The following GRIN2A variants were observed in gnomAD, a reference collection of about 807,000 sequenced individuals.
GRIN2A encodes the protein glutamate ionotropic receptor NMDA type subunit 2A.
A neutral mutation model predicts 113.4 loss-of-function variants in GRIN2A; 22 were observed. The observed-to-expected ratio is 0.19, with a 90% CI of 0.14 to 0.28. The LOEUF (loss-of-function observed/expected upper bound fraction) is 0.28. Ranked by LOEUF, GRIN2A falls within the 10% of genes least tolerant of loss-of-function variation. The pLI, the probability that GRIN2A is intolerant of heterozygous loss-of-function variation, is 1.00. For missense variants in GRIN2A, 1,502 were observed against 1,887.0 expected, an observed-to-expected ratio of 0.80 and a Z score of 3.78; for synonymous variants, 827 against 738.4, an observed-to-expected ratio of 1.12 and a Z score of -1.94.
intron 4 of GRIN2A, among the ~76,000 whole-genome samples, chr16:9,870,504 C>T (rs374327551): frequency 2.7e-4 from 41 of 152,170 alleles, no homozygotes; most frequent in African/African-American, 8.9e-4. Context: ...TCTTTATGGG[C>T]TAGAAGTTGC....
intron 4 of GRIN2A, among the ~76,000 whole-genome samples, chr16:9,865,498 C>T (rs969031944): frequency 2.3e-4 from 35 of 152,162 alleles, no homozygotes; most frequent in Admixed American, 2.0e-3. Flanking sequence ...TTGGAAGACC[C>T]AAGTCCAAGT....
intron 2 of GRIN2A, among the ~76,000 whole-genome samples, chr16:10,022,462 G>C (rs2046743570): frequency 6.6e-6 from 1 of 152,178 alleles, no homozygotes; most frequent in Non-Finnish European, 1.5e-5. Context: ...TTCACCTGTG[G>C]AGGTTTAGCC....
chr16:9,852,257 T>A (rs1029204262), intron 4 of GRIN2A, among the ~76,000 whole-genome samples: 1 of 152,356 alleles, frequency 6.6e-6, no homozygotes, highest in East Asian at 1.9e-4. Flanking sequence ...CAAAGGTGCT[T>A]TCTCGCTATG....
At chr16:9,882,664 G>A (rs984312993) in intron 4 of GRIN2A, among the ~76,000 whole-genome samples, 1 of 152,144 alleles carries the variant, frequency 6.6e-6, no homozygotes, top group Non-Finnish European at 1.5e-5. Flanking sequence ...GTGTGCACTT[G>A]TGTCCCCAGC....
rs2141839948 is a variant in GRIN2A at position 9,999,965 on chromosome 16, G to C, written c.415-61414C>G. On this transcript the variant is annotated intron_variant, in intron 2 of 12. Transcript: ENST00000330684. Reference sequence around the variant, plus strand: ...AAAGCTGTGTTCCTCCAGAACTCTAGGAAAGATTCCATGTCTTTGCCTTTC... The same window carrying C: ...AAAGCTGTGTTCCTCCAGAACTCTACGAAAGATTCCATGTCTTTGCCTTTC... 1.3e-5 allele frequency among the ~76,000 whole-genome samples: 2 copies of C among 152,176 alleles called. 1 individual carries two copies. The highest frequency in any genetic ancestry group is 4.2e-4 in the South Asian group (2 of 4,814).
intron 5 of GRIN2A, among the ~76,000 whole-genome samples, chr16:9,846,050 A>C (rs9934443): frequency 3.9e-5 from 6 of 152,182 alleles, no homozygotes; most frequent in African/African-American, 1.4e-4. Flanking sequence ...ACTTATAACA[A>C]TGTCTGTGTT....
chr16:10,043,962 T>TAC (rs1327243309), intron 2 of GRIN2A, among the ~76,000 whole-genome samples: 7 of 135,234 alleles, frequency 5.2e-5, no homozygotes, highest in East Asian at 2.2e-4. Context: ...TGTATATATA[T>TAC]ACACACACAC....
At chr16:9,913,967 GA>G (rs1299072107) in intron 3 of GRIN2A, among the ~76,000 whole-genome samples, 1 of 150,248 alleles carries the variant, frequency 6.7e-6, no homozygotes, top group African/African-American at 2.4e-5. Flanking sequence ...ATTTTCAAAA[GA>G]AAAAAAGAAA....
At chr16:10,152,058 C>T (rs951238855) in intron 2 of GRIN2A, among the ~76,000 whole-genome samples, 1 of 152,140 alleles carries the variant, frequency 6.6e-6, no homozygotes, top group Non-Finnish European at 1.5e-5. Flanking sequence ...CTGAAGGAGC[C>T]CATCTCAGAC....
At chr16:9,775,792 C>A (rs1351553507) in intron 11 of GRIN2A, among the ~76,000 whole-genome samples, 3 of 152,216 alleles carry the variant, frequency 2.0e-5, no homozygotes, top group Non-Finnish European at 4.4e-5. Context: ...AGTTGTTGCT[C>A]ATGTTTCTCC....
intron 4 of GRIN2A, 27 bp from the exon 5 acceptor site, chr16:9,849,988 T>A (rs2042854873): frequency 3.8e-6 from 6 of 1,593,258 alleles, no homozygotes; most frequent in Non-Finnish European, 5.2e-6. Context: ...AAGACACAGC[T>A]GTGCTTTCTT....
chr16:10,142,935 A>T (rs2142261706), intron 2 of GRIN2A, among the ~76,000 whole-genome samples: 1 of 152,352 alleles, frequency 6.6e-6, no homozygotes, highest in Non-Finnish European at 1.5e-5. Flanking sequence ...CTTCTTAGAT[A>T]AAAATAACAT....
intron 2 of GRIN2A, among the ~76,000 whole-genome samples, chr16:10,162,020 G>C (rs1396129883): frequency 1.3e-5 from 2 of 152,186 alleles, no homozygotes; most frequent in Non-Finnish European, 2.9e-5. Context: ...TATAAGGTTA[G>C]TATTCACAGG....
Position 9,969,076 on chromosome 16 carries a change from A to G in GRIN2A, c.415-30525T>C, listed in dbSNP as rs79080281. ...ACAGCAAGTCTGAAATTCAGAGTGAATTTAACACATATAGCACATTTCAGG... is the reference window on the plus strand; with the variant it reads ...ACAGCAAGTCTGAAATTCAGAGTGAGTTTAACACATATAGCACATTTCAGG... On this transcript the variant is annotated intron_variant, in intron 2 of 12. Coordinates refer to ENST00000330684, the MANE Select transcript of GRIN2A (RefSeq NM_001134407.3). Among the ~76,000 whole-genome samples the G allele has an allele frequency of 6.6e-4, 101 of 152,240 alleles. 2 individuals carry two copies. In the East Asian group the frequency reaches 0.017, roughly 26 times the overall value.
chr16:9,860,569 A>G (rs1280032136), intron 4 of GRIN2A, among the ~76,000 whole-genome samples: 2 of 152,054 alleles, frequency 1.3e-5, no homozygotes, highest in Admixed American at 6.6e-5. Flanking sequence ...GACTTACTGA[A>G]GACCTTACTG....
chr16:10,046,264 A>G (rs2047255364), intron 2 of GRIN2A, among the ~76,000 whole-genome samples: 1 of 152,082 alleles, frequency 6.6e-6, no homozygotes, highest in African/African-American at 2.4e-5. Context: ...GCATATCTAG[A>G]TCACATCTTA....
intron 5 of GRIN2A, among the ~76,000 whole-genome samples, chr16:9,845,984 G>A (rs1446693400): frequency 1.3e-5 from 2 of 152,198 alleles, no homozygotes; most frequent in South Asian, 2.1e-4. Flanking sequence ...CATGCAAACT[G>A]TGCTTAATGC....
chr16:9,765,082 C>G, intron 12 of GRIN2A, 134 bp from the exon 13 acceptor site: 1 of 1,077,874 alleles, frequency 9.3e-7, no homozygotes, highest in Non-Finnish European at 1.4e-6. Flanking sequence ...AAAATTCAGT[C>G]TGAATCCTGA....
chr16:10,034,869 C>T (rs957010112), intron 2 of GRIN2A, among the ~76,000 whole-genome samples: 1 of 152,298 alleles, frequency 6.6e-6, no homozygotes, highest in Non-Finnish European at 1.5e-5. Context: ...CCTAATAGGT[C>T]AGCTAATTTG....
Sources: allele counts gnomAD v4.1 joint callset (sites outside exome capture counted in the v4.1 genomes callset), GRCh38; gene constraint gnomAD v4.1.1; transcripts MANE v1.5; gene names NCBI Gene and HGNC (gene_info 2026-07-23, HGNC 2026-07-21).